Variants in TAB2 observed in about 807,000 individuals in gnomAD.
TAB2 encodes TGF-beta-activated kinase 1 and MAP3K7-binding protein 2.
Under a neutral mutation model 65.0 loss-of-function variants are expected in TAB2, and 3 were observed. The ratio of observed to expected loss-of-function variants is 0.05; its 90% CI spans 0.02 to 0.12. The LOEUF (loss-of-function observed/expected upper bound fraction) is 0.12, where lower values mean the gene tolerates loss of function less well. Among genes scored for constraint, TAB2 ranks in the 10% least tolerant of loss-of-function variants. The pLI, the probability that TAB2 is intolerant of heterozygous loss-of-function variation, is 1.00. For missense variants in TAB2, 623 were observed against 840.3 expected, an observed-to-expected ratio of 0.74 and a Z score of 3.20; for synonymous variants, 298 against 285.1, an observed-to-expected ratio of 1.05 and a Z score of -0.46.
At chr6:149,363,224 A>T (rs987862114) in intron 1 of TAB2, among the ~76,000 whole-genome samples, 1 of 152,138 alleles carries the variant, frequency 6.6e-6, no homozygotes, top group Non-Finnish European at 1.5e-5. Flanking sequence ...ATATATATAT[A>T]TGGGGTAGGC....
At chr6:149,296,491 T>C (rs188303060) in intron 1 of TAB2, among the ~76,000 whole-genome samples, 1 of 152,364 alleles carries the variant, frequency 6.6e-6, no homozygotes, top group Admixed American at 6.5e-5. Context: ...TGTCTTACTG[T>C]CTTGTCATCT....
intron 1 of TAB2, among the ~76,000 whole-genome samples, chr6:149,268,816 T>C (rs555459384): frequency 6.6e-6 from 1 of 152,370 alleles, no homozygotes; most frequent in East Asian, 1.9e-4. Context: ...CATATACTGC[T>C]TGTGTAATAA....
chr6:149,232,211 A>G (rs985439996), intron 1 of TAB2, among the ~76,000 whole-genome samples: 1 of 152,144 alleles, frequency 6.6e-6, no homozygotes, highest in Admixed American at 6.5e-5. Flanking sequence ...GCCAACCCAC[A>G]GACACAGAAA....
At chr6:149,364,656 G>T (rs1780983121) in intron 1 of TAB2, among the ~76,000 whole-genome samples, 1 of 150,338 alleles carries the variant, frequency 6.7e-6, no homozygotes, top group Non-Finnish European at 1.5e-5. Context: ...TCAATGTGTG[G>T]TTGGTAGATA....
chr6:149,228,413 G>T (rs536317922), intron 1 of TAB2, among the ~76,000 whole-genome samples: 1 of 152,096 alleles, frequency 6.6e-6, no homozygotes, highest in African/African-American at 2.4e-5. Context: ...CAGAACCCTC[G>T]GCCACCAGGG....
chr6:149,356,813 T>G (rs764172214), intron 1 of TAB2, among the ~76,000 whole-genome samples: 1 of 152,210 alleles, frequency 6.6e-6, no homozygotes, highest in Non-Finnish European at 1.5e-5. Context: ...TTCACTCTTG[T>G]AGTGTGGAAT....
intron 2 of TAB2, among the ~76,000 whole-genome samples, chr6:149,371,321 G>A (rs535503212): frequency 2.0e-5 from 3 of 152,174 alleles, no homozygotes; most frequent in Admixed American, 6.5e-5. Context: ...CTTAAAACCT[G>A]TTGATTGTTC....
chr6:149,272,962 T>G (rs369012691), intron 1 of TAB2, among the ~76,000 whole-genome samples: 10 of 152,258 alleles, frequency 6.6e-5, no homozygotes, highest in Admixed American at 3.3e-4. Context: ...TTCATGAGAA[T>G]CTAATGCCTT....
chr6:149,394,201 TAA>T (rs1478083998), intron 3 of TAB2, among the ~76,000 whole-genome samples: 1 of 152,210 alleles, frequency 6.6e-6, no homozygotes, highest in African/African-American at 2.4e-5. Context: ...TCCAGTGTGT[TAA>T]GTCTGTCCAA....
Position 149,398,028 on chromosome 6 carries a change from C to T in TAB2, c.1824C>T (p.Cys608=), listed in dbSNP as rs781473516. The T allele has an allele frequency of 1.1e-5, 18 of 1,613,854 alleles. No individual in the cohort carries two copies. The highest frequency in any genetic ancestry group is 1.4e-5 in the Non-Finnish European group (17 of 1,179,924). Residue 608 remains cysteine, a synonymous_variant, in exon 5 of 7, where the codon TGC becomes TGT. Coordinates refer to ENST00000637181, the MANE Select transcript of TAB2 (RefSeq NM_001292034.3). ...CNRQLQIDID[C]LTKEIDLFQA... The stretch of plus-strand genomic sequence containing the variant: ...GACAACTCCAGATTGACATTGACTG[C>T]TTAACCAAAGAAATTGATCTTTTTC...
At chr6:149,359,632 C>A (rs1273864180) in intron 1 of TAB2, among the ~76,000 whole-genome samples, 1 of 152,118 alleles carries the variant, frequency 6.6e-6, no homozygotes, top group East Asian at 1.9e-4. Flanking sequence ...ATTAAAACCC[C>A]AGCTCCAGTA....
intron 1 of TAB2, among the ~76,000 whole-genome samples, chr6:149,268,244 C>T (rs1347736481): frequency 6.6e-6 from 1 of 152,198 alleles, no homozygotes; most frequent in African/African-American, 2.4e-5. Flanking sequence ...AGTCTTAGCT[C>T]CGCATCACGG....
At chr6:149,331,158 A>C (rs1181216751) in intron 1 of TAB2, among the ~76,000 whole-genome samples, 4 of 152,226 alleles carry the variant, frequency 2.6e-5, no homozygotes, top group South Asian at 4.1e-4. Context: ...GGGGAAATTG[A>C]CATTTTTATT....
At chr6:149,305,068 T>C (rs1402045394) in intron 1 of TAB2, among the ~76,000 whole-genome samples, 3 of 152,234 alleles carry the variant, frequency 2.0e-5, no homozygotes, top group Non-Finnish European at 4.4e-5. Context: ...TTTTTATTGT[T>C]TTGTTATTGT....
At chr6:149,314,838 C>G (rs536527010), upstream of TAB2, among the ~76,000 whole-genome samples, 69 of 151,132 alleles carry the variant, frequency 4.6e-4, no homozygotes, top group African/African-American at 1.3e-3. Flanking sequence ...GACTAAAAAG[C>G]TCTTGAATGT....
At chr6:149,383,501 T>C (rs772703390) in intron 3 of TAB2, among the ~76,000 whole-genome samples, 25 of 152,350 alleles carry the variant, frequency 1.6e-4, no homozygotes, top group Middle Eastern at 6.8e-3. Context: ...TGTTTTGGGA[T>C]TGGTACTGTT....
chr6:149,309,325 T>A (rs1390692023), intron 1 of TAB2, among the ~76,000 whole-genome samples: 1 of 152,176 alleles, frequency 6.6e-6, no homozygotes, highest in Non-Finnish European at 1.5e-5. Flanking sequence ...TGTTCATTCA[T>A]TTAATCCTTG....
At chr6:149,353,367 G>A (rs879166054) in intron 1 of TAB2, among the ~76,000 whole-genome samples, 1 of 152,282 alleles carries the variant, frequency 6.6e-6, no homozygotes, top group South Asian at 2.1e-4. Flanking sequence ...GGTGTACAGT[G>A]AAGAGAAAGT....
intron 2 of TAB2, among the ~76,000 whole-genome samples, chr6:149,373,339 T>G (rs1013011822): frequency 6.6e-6 from 1 of 152,200 alleles, no homozygotes; most frequent in Non-Finnish European, 1.5e-5. Context: ...AAGTACTGCA[T>G]TAAGTATTTT....
Sources: allele counts gnomAD v4.1 joint callset (sites outside exome capture counted in the v4.1 genomes callset), GRCh38; gene constraint gnomAD v4.1.1; transcripts MANE v1.5; gene names NCBI Gene and HGNC (gene_info 2026-07-23, HGNC 2026-07-21).